PRDM16: variants seen among roughly 807,000 people sequenced by gnomAD.
PRDM16 encodes the protein PR/SET domain 16, also known as histone-lysine N-methyltransferase PRDM16.
Under a neutral mutation model 110.6 loss-of-function variants are expected in PRDM16, and 23 were observed. That is an observed-to-expected ratio of 0.21 (90% CI 0.15 to 0.29). PRDM16 has a LOEUF of 0.29. Ranked by LOEUF, PRDM16 falls within the 10% of genes least tolerant of loss-of-function variation. The pLI is 1.00. For missense variants in PRDM16, 1,615 were observed against 1,794.3 expected (o/e 0.90, Z 1.81); for synonymous variants, 799 against 781.8 (o/e 1.02, Z -0.37).
At chr1:3,404,944 G>A (rs751733983) in intron 7 of PRDM16, 58 bp downstream of exon 7, 90 of 1,566,266 alleles carry the variant, frequency 5.7e-5, no homozygotes, top group Middle Eastern at 1.7e-4. Flanking sequence ...GCAGACGGGC[G>A]CCCGCCCCCG....
chr1:3,413,546 A>C (rs1347724107), intron 9 of PRDM16, among the ~76,000 whole-genome samples: 1 of 152,048 alleles, frequency 6.6e-6, no homozygotes, highest in Non-Finnish European at 1.5e-5. Flanking sequence ...TCCTACCCCC[A>C]CCAGCACCTG....
At chr1:3,137,925 C>T (rs35877876) in intron 1 of PRDM16, among the ~76,000 whole-genome samples, 3,816 of 152,328 alleles carry the variant, frequency 0.025, 79 homozygotes, top group Non-Finnish European at 0.036. Flanking sequence ...GCTAAATGTC[C>T]CACGATGCAT....
At position 3,157,296 on chromosome 1, in the gene PRDM16, A is replaced by T. The variant is rs568583630; in HGVS notation, c.38-28829A>T. On this transcript the variant is annotated intron_variant, in intron 1 of 16. Coordinates refer to ENST00000270722, the MANE Select transcript of PRDM16 (RefSeq NM_022114.4). This position sits in a 1 kb window ranked among gnomAD's most constrained non-coding sequence, Gnocchi z 4.8. ...AATTTGAATTTCAGATACACAGCAC[A>T]CAAGTACGTCCCAAACACAGCCAGC... Among the ~76,000 whole-genome samples the T allele has an allele frequency of 2.0e-5, 3 of 152,294 alleles. No individual in the cohort carries two copies. In the East Asian group the frequency reaches 5.8e-4, roughly 29 times the overall value.
At position 3,081,055 on chromosome 1, in the gene PRDM16, CG is replaced by C. The variant is rs1017897785; in HGVS notation, c.37+11760del. Among the ~76,000 whole-genome samples, 1 of 152,140 alleles carries C rather than the reference CG, an allele frequency of 6.6e-6. No individual in the cohort carries two copies. The highest frequency in any genetic ancestry group is 1.5e-5 in the Non-Finnish European group (1 of 68,030). ...GCTCAGAGAATCGGGGGGCAGATAG[CG>C]TAGCCACGAGGGGCTCTCTGGTTTC... On this transcript the variant is annotated intron_variant, in intron 1 of 16. Coordinates refer to ENST00000270722, the MANE Select transcript of PRDM16 (RefSeq NM_022114.4). The surrounding 1 kb of genome is among the most constrained non-coding windows in gnomAD (Gnocchi z 4.6).
At position 3,339,939 on chromosome 1, in the gene PRDM16, T is replaced by G. The variant is rs561357497; in HGVS notation, c.439-45213T>G. On this transcript the variant is annotated intron_variant, in intron 3 of 16. Coordinates refer to ENST00000270722, the MANE Select transcript of PRDM16 (RefSeq NM_022114.4). This position sits in a 1 kb window ranked among gnomAD's most constrained non-coding sequence, Gnocchi z 5.0. ...GGAAGGGCCACCAGGCAAGTGGGGC[T>G]GGGGGGAACAGGTGTGCCATCCCCC... Among the ~76,000 whole-genome samples, 1 of 152,168 alleles carries G rather than the reference T, an allele frequency of 6.6e-6. No individual in the cohort carries two copies.
intron 1 of PRDM16, among the ~76,000 whole-genome samples, chr1:3,096,409 C>T (rs1020867824): frequency 1.7e-4 from 26 of 152,120 alleles, no homozygotes; most frequent in Non-Finnish European, 5.9e-5. Context: ...CTGGCCAAGT[C>T]GGAGCCATAG....
In PRDM16 at chr1:3,186,291, C is replaced by T. The variant is rs930898977; in HGVS notation, c.204C>T (p.Tyr68=). 2.3e-5 allele frequency: 37 copies of T among 1,611,432 alleles called. No homozygotes were observed. The highest frequency in any genetic ancestry group is 8.3e-5 in the Admixed American group (5 of 59,890). The part of the protein sequence containing the change: ...EDFTPKEGSP[Y]EAPVYIPEDI... ...TCACCCCCAAGGAGGGCTCGCCGTA[C>T]GAGGCCCCTGTCTACATTCCTGAAG... Residue 68 remains tyrosine, a synonymous_variant, in exon 2 of 17, where the codon TAC becomes TAT. Coordinates refer to ENST00000270722, the MANE Select transcript of PRDM16 (RefSeq NM_022114.4).
In PRDM16 at chr1:3,438,564, A is replaced by G. The variant is rs558179190; in HGVS notation, c.*4753A>G. On this transcript the variant is annotated 3_prime_UTR_variant, in exon 17 of 17. Transcript: ENST00000270722. The stretch of plus-strand genomic sequence containing the variant: ...CTGTATACCAAATGTAATCTTTCCA[A>G]TGCTCCAATGAATTTATACATGAGA... 5.6e-5 allele frequency: 11 copies of G among 196,604 alleles called. No individual in the cohort carries two copies. The highest frequency in any genetic ancestry group is 1.2e-4 in the Admixed American group (2 of 16,444). The allele number at this position is 196,604 out of a possible 1,614,324, so 12.2% of individuals were successfully genotyped here.
In PRDM16 at chr1:3,255,122, G is replaced by A. The variant is rs1640015141; in HGVS notation, c.438+10985G>A. Among the ~76,000 whole-genome samples the A allele has an allele frequency of 6.6e-6, 1 of 151,852 alleles. No individual in the cohort carries two copies. Among genetic ancestry groups the A allele is most frequent in the Non-Finnish European group, 1.5e-5 (1 of 67,974 alleles). Reference sequence around the variant, plus strand: ...TAGCCATATGTAGAAAGCTGAAACTGGATCCCTTCCTTACACCTTATACAA... The same window carrying A: ...TAGCCATATGTAGAAAGCTGAAACTAGATCCCTTCCTTACACCTTATACAA... On this transcript the variant is annotated intron_variant, in intron 3 of 16. Coordinates refer to ENST00000270722, the MANE Select transcript of PRDM16 (RefSeq NM_022114.4). The surrounding 1 kb of genome is among the most constrained non-coding windows in gnomAD (Gnocchi z 4.7).
rs535443879 is a variant in PRDM16, at chr1:3,407,422, A to G, written c.1186+1774A>G. ...TGCTGACCACCGATCTCCCAGGAGG[A>G]GCATGTGTGCAGTGTGCCCGGCTCC... On this transcript the variant is annotated intron_variant, in intron 8 of 16. Transcript: ENST00000270722. 2.6e-5 allele frequency among the ~76,000 whole-genome samples: 4 copies of G among 152,262 alleles called. No homozygotes were observed. The East Asian group carries it at 7.7e-4, about 29-fold the overall frequency.
Position 3,411,688 on chromosome 1 carries a change from C to G in PRDM16, c.1491C>G (p.Ser497Arg), listed in dbSNP as rs758937404. ...TTCCCTCCAGGCCGCACCCGGGGAG[C>G]CTGCCCTTCTCCACGGCGCCTCCCA... is the stretch of plus-strand genomic sequence containing the variant. The part of the protein sequence containing the change: ...EYFPSRPHPG[S>R]LPFSTAPPTF... The change falls in exon 9 of 17, where the codon AGC becomes AGG. Residue 497 changes from serine (S) to arginine (R), a missense_variant. Transcript: ENST00000270722. The G allele has an allele frequency of 1.9e-6, 3 of 1,610,626 alleles. No homozygotes were observed. The highest frequency in any genetic ancestry group is 1.1e-5 in the South Asian group (1 of 90,690).
At chr1:3,374,205 A>G (rs1642955413) in intron 3 of PRDM16, among the ~76,000 whole-genome samples, 2 of 152,152 alleles carry the variant, frequency 1.3e-5, no homozygotes, top group South Asian at 2.1e-4. Context: ...CTGCCCCGAA[A>G]CCAGCACATC....
intron 2 of PRDM16, among the ~76,000 whole-genome samples, chr1:3,236,008 G>C (rs918878237): frequency 1.3e-5 from 2 of 152,176 alleles, no homozygotes; most frequent in Non-Finnish European, 2.9e-5. Context: ...AGGTCTGAAC[G>C]TGGTAACCTG....
chr1:3,438,598 C>A lies in PRDM16; in HGVS notation c.*4787C>A. The A allele has an allele frequency of 5.3e-6, 1 of 188,078 alleles. No individual in the cohort carries two copies. Among genetic ancestry groups the A allele is most frequent in the Non-Finnish European group, 1.1e-5 (1 of 89,222 alleles). 11.7% of individuals were successfully genotyped at this position (188,078 alleles called of 1,614,324 possible). On this transcript the variant is annotated 3_prime_UTR_variant, in exon 17 of 17. Coordinates refer to ENST00000270722, the MANE Select transcript of PRDM16 (RefSeq NM_022114.4). ...TGAATTTATACATGAGATTGATATG[C>A]AATAAATCTGTGTGCTTTTCTAAGC...
In PRDM16 at chr1:3,290,474, C is replaced by G. The variant is rs1179814986; in HGVS notation, c.438+46337C>G. ...AAGCGGTGATTTTTCTCTTGAGGCC[C>G]CTGTGTCCTAGCATTTCTGAGCTCA... On this transcript the variant is annotated intron_variant, in intron 3 of 16. Coordinates refer to ENST00000270722, the MANE Select transcript of PRDM16 (RefSeq NM_022114.4). This position sits in a 1 kb window ranked among gnomAD's most constrained non-coding sequence, Gnocchi z 4.8. 1.3e-5 allele frequency among the ~76,000 whole-genome samples: 2 copies of G among 152,194 alleles called. No homozygotes were observed. Among genetic ancestry groups the G allele is most frequent in the Non-Finnish European group, 2.9e-5 (2 of 68,028 alleles).
intron 14 of PRDM16, among the ~76,000 whole-genome samples, chr1:3,427,017 T>C (rs1415794914): frequency 6.6e-6 from 1 of 152,238 alleles, no homozygotes; most frequent in Non-Finnish European, 1.5e-5. Context: ...TGCAAGTACA[T>C]GCACATGGAC....
intron 2 of PRDM16, among the ~76,000 whole-genome samples, chr1:3,204,019 C>A (rs148552773): frequency 7.7e-4 from 118 of 152,280 alleles, no homozygotes; most frequent in African/African-American, 2.7e-3. Flanking sequence ...TCGAAGGGGA[C>A]CACACCGGGA....
chr1:3,204,612 T>C (rs962531758), intron 2 of PRDM16, among the ~76,000 whole-genome samples: 4 of 152,196 alleles, frequency 2.6e-5, no homozygotes, highest in African/African-American at 9.6e-5. Flanking sequence ...GGCTGCTCCG[T>C]TATTTGTAGT....
chr1:3,379,249 G>C (rs1171593993), intron 3 of PRDM16, among the ~76,000 whole-genome samples: 6 of 34,936 alleles, frequency 1.7e-4, no homozygotes, highest in Admixed American at 6.7e-4. Context: ...TCCCAACACA[G>C]TCCTCCCAGC....
Sources: allele counts gnomAD v4.1 joint callset (sites outside exome capture counted in the v4.1 genomes callset), GRCh38; gene constraint gnomAD v4.1.1; non-coding constraint Gnocchi (gnomAD v3.1); transcripts MANE v1.5; gene names NCBI Gene and HGNC (gene_info 2026-07-23, HGNC 2026-07-21).